Variants in NCALD observed in about 807,000 individuals in gnomAD.
The protein encoded by NCALD is neurocalcin delta, also known as neurocalcin-delta.
A neutral mutation model predicts 18.6 loss-of-function variants in NCALD; 10 were observed. The ratio of observed to expected loss-of-function variants is 0.54; its 90% CI spans 0.33 to 0.91. NCALD has a LOEUF of 0.91. NCALD is among the 40% of genes least tolerant of loss of function. NCALD has a pLI of 0.03. For synonymous variants in NCALD, 88 were observed against 87.4 expected, an observed-to-expected ratio of 1.01 and a Z score of -0.04; for missense variants, 184 against 247.6, an observed-to-expected ratio of 0.74 and a Z score of 1.72.
chr8:101,937,057 G>C (rs1254202083), intron 2 of NCALD, among the ~76,000 whole-genome samples: 1 of 152,090 alleles, frequency 6.6e-6, no homozygotes, highest in Non-Finnish European at 1.5e-5. Context: ...GAGATGACTA[G>C]CAAGCTTTCT....
intron 2 of NCALD, among the ~76,000 whole-genome samples, chr8:101,714,655 T>A (rs747450023): frequency 3.0e-4 from 46 of 152,130 alleles, no homozygotes; most frequent in Non-Finnish European, 4.6e-4. Context: ...AAATTTCATA[T>A]GAAACCAAAA....
intron 1 of NCALD, among the ~76,000 whole-genome samples, chr8:101,729,665 G>A (rs987559772): frequency 1.3e-5 from 2 of 152,090 alleles, no homozygotes; most frequent in Admixed American, 6.5e-5. Flanking sequence ...AGAAACAAAT[G>A]TACTCTTCTT....
intron 2 of NCALD, among the ~76,000 whole-genome samples, chr8:102,010,044 T>C (rs1821851232): frequency 6.6e-6 from 1 of 152,198 alleles, no homozygotes; most frequent in African/African-American, 2.4e-5. Context: ...TGTGGAGTCC[T>C]GATAAGATAA....
intron 2 of NCALD, among the ~76,000 whole-genome samples, chr8:101,932,195 C>A (rs1279868382): frequency 6.6e-6 from 1 of 151,532 alleles, no homozygotes; most frequent in East Asian, 1.9e-4. Flanking sequence ...AGCCTCCAGG[C>A]CCCCTCCCCT....
At chr8:102,004,117 T>A (rs1214806892) in intron 2 of NCALD, among the ~76,000 whole-genome samples, 1 of 151,520 alleles carries the variant, frequency 6.6e-6, no homozygotes, top group Non-Finnish European at 1.5e-5. Context: ...CATGATTGTA[T>A]ATCTAGAAAA....
chr8:101,830,678 T>C (rs751016559), intron 4 of NCALD, among the ~76,000 whole-genome samples: 64 of 152,124 alleles, frequency 4.2e-4, no homozygotes, highest in Non-Finnish European at 6.3e-4. Flanking sequence ...CCACTGCCTT[T>C]GGGGTTTGCT....
At position 102,080,414 on chromosome 8, in the gene NCALD, G is replaced by A. The variant is rs1824488485; in HGVS notation, c.-210+43823C>T. 2.0e-5 allele frequency among the ~76,000 whole-genome samples: 3 copies of A among 152,292 alleles called. 1 individual carries two copies. The South Asian group carries it at 6.2e-4, about 32-fold the overall frequency. ...TTTTTTCAGATAGCACAAAGGGAGC[G>A]GGAGGCAGGCCAAGTATTTTACTGC... is the stretch of plus-strand genomic sequence containing the variant. On this transcript the variant is annotated intron_variant, in intron 1 of 6. Coordinates refer to the NCALD transcript ENST00000311028.
intron 3 of NCALD, chr8:101,692,269 C>T (rs1413514073): frequency 1.0e-6 from 1 of 985,312 alleles, no homozygotes; most frequent in Non-Finnish European, 1.2e-6. Flanking sequence ...TACTCCCTCA[C>T]CACTACCCCG....
At chr8:101,852,632 G>A (rs1201555956) in intron 4 of NCALD, 1 of 152,172 alleles carries the variant, frequency 6.6e-6, no homozygotes, top group Non-Finnish European at 1.5e-5. Context: ...TTTGCAGCAG[G>A]TCCTCGCTGT....
At chr8:101,857,691 G>A (rs1815375867) in intron 4 of NCALD, among the ~76,000 whole-genome samples, 1 of 152,190 alleles carries the variant, frequency 6.6e-6, no homozygotes, top group Non-Finnish European at 1.5e-5. Context: ...AGGAGAACAA[G>A]ATAGAGTTCT....
Position 101,806,349 on chromosome 8 carries a change from A to G in NCALD, c.-20+80792T>C, listed in dbSNP as rs146682939. ...GTAACTCATACACGGGAAAAAAAGC[A>G]GAGAAAGAAACTATCTGTGAGATGA... On this transcript the variant is annotated intron_variant, in intron 4 of 6. Coordinates refer to the NCALD transcript ENST00000311028. Among the ~76,000 whole-genome samples, 235 of 152,310 alleles carry G rather than the reference A, an allele frequency of 1.5e-3. 1 individual carries two copies. Among genetic ancestry groups the G allele is most frequent in the African/African-American group, 5.5e-3 (227 of 41,590 alleles).
At chr8:101,845,221 G>C (rs1177361186) in intron 4 of NCALD, among the ~76,000 whole-genome samples, 2 of 152,320 alleles carry the variant, frequency 1.3e-5, no homozygotes, top group East Asian at 3.9e-4. Flanking sequence ...ACTAAAGAGT[G>C]AGCCCAGTAA....
At chr8:101,974,724 TAAAATAACTAAC>T (rs1486059542) in intron 2 of NCALD, among the ~76,000 whole-genome samples, 1 of 152,172 alleles carries the variant, frequency 6.6e-6, no homozygotes, top group African/African-American at 2.4e-5. Context: ...TAAAAGATAC[TAAAATAACTAAC>T]AACATGCCGA....
intron 2 of NCALD, among the ~76,000 whole-genome samples, chr8:101,716,403 G>A (rs1816087313): frequency 6.6e-6 from 1 of 151,960 alleles, no homozygotes; most frequent in African/African-American, 2.4e-5. Flanking sequence ...AAACACCATG[G>A]CACATGTATA....
intron 2 of NCALD, among the ~76,000 whole-genome samples, chr8:101,923,761 TGGG>T (rs977286832): frequency 8.7e-4 from 132 of 152,238 alleles, no homozygotes; most frequent in African/African-American, 3.2e-3. Flanking sequence ...TATTTAGTGC[TGGG>T]GTTCTATTTG....
intron 1 of NCALD, among the ~76,000 whole-genome samples, chr8:101,769,624 T>C (rs1586454841): frequency 1.4e-5 from 2 of 140,842 alleles, no homozygotes; most frequent in South Asian, 2.2e-4. Context: ...TCTTTCTTCC[T>C]TTTTTTTTTT....
chr8:102,123,303 T>C (rs1357520267), intron 1 of NCALD, among the ~76,000 whole-genome samples: 1 of 152,182 alleles, frequency 6.6e-6, no homozygotes, highest in Non-Finnish European at 1.5e-5. Context: ...ATAGACCTTC[T>C]TGCGGGGCTA....
intron 2 of NCALD, among the ~76,000 whole-genome samples, chr8:101,918,667 T>A (rs1034428141): frequency 3.3e-5 from 5 of 151,282 alleles, no homozygotes; most frequent in Non-Finnish European, 7.4e-5. Context: ...ATGTAAAAAA[T>A]CAGTCACATT....
intron 3 of NCALD, among the ~76,000 whole-genome samples, chr8:101,891,241 T>C (rs895266955): frequency 6.6e-6 from 1 of 152,272 alleles, no homozygotes; most frequent in Non-Finnish European, 1.5e-5. Flanking sequence ...CAGAACTCCA[T>C]CCTACTACCA....
Sources: allele counts gnomAD v4.1 joint callset (sites outside exome capture counted in the v4.1 genomes callset), GRCh38; gene constraint gnomAD v4.1.1; transcripts MANE v1.5; gene names NCBI Gene and HGNC (gene_info 2026-07-23, HGNC 2026-07-21).